The following NEGR1 variants were observed in gnomAD, a reference collection of about 807,000 sequenced individuals.
The protein encoded by NEGR1 is neuronal growth regulator 1.
In NEGR1, 10 loss-of-function variants were observed where a neutral mutation model predicts 40.9. The ratio of observed to expected loss-of-function variants is 0.24; its 90% confidence interval spans 0.15 to 0.42. The LOEUF is 0.42. Ranked by LOEUF, NEGR1 falls within the 10% of genes least tolerant of loss-of-function variation. The pLI is 1.00. For missense variants in NEGR1, 352 were observed against 438.9 expected, an observed-to-expected ratio of 0.80 and a Z score of 1.77; for synonymous variants, 185 against 166.8, an observed-to-expected ratio of 1.11 and a Z score of -0.84.
chr1:71,955,258 C>T (rs1445245310), intron 1 of NEGR1, among the ~76,000 whole-genome samples: 1 of 152,086 alleles, frequency 6.6e-6, no homozygotes, highest in African/African-American at 2.4e-5. Context: ...TGTGAGCCTA[C>T]AATCTAATGT....
chr1:71,956,118 C>G (rs1206565349), intron 1 of NEGR1, among the ~76,000 whole-genome samples: 1 of 152,110 alleles, frequency 6.6e-6, no homozygotes, highest in East Asian at 1.9e-4. Flanking sequence ...GCTATTCCAA[C>G]AAACTGATAT....
chr1:71,555,516 C>A (rs1557565018), intron 6 of NEGR1, among the ~76,000 whole-genome samples: 1 of 151,396 alleles, frequency 6.6e-6, no homozygotes, highest in Non-Finnish European at 1.5e-5. Flanking sequence ...TGTCCTCTGC[C>A]CATAAGGAGG....
At chr1:72,252,060 A>G (rs1776012) in intron 1 of NEGR1, among the ~76,000 whole-genome samples, 77,953 of 151,946 alleles carry the variant, frequency 0.51, 21,303 homozygotes, top group African/African-American at 0.68. Context: ...AATCTTCCTA[A>G]AGCATCCATT....
intron 1 of NEGR1, among the ~76,000 whole-genome samples, chr1:72,039,312 G>T (rs1646931575): frequency 6.6e-6 from 1 of 151,904 alleles, no homozygotes; most frequent in Admixed American, 6.6e-5. Context: ...TACATGATGT[G>T]GGCATATAAG....
chr1:71,800,478 T>C (rs1032540288), intron 2 of NEGR1, among the ~76,000 whole-genome samples: 3 of 152,178 alleles, frequency 2.0e-5, no homozygotes, highest in Non-Finnish European at 4.4e-5. Flanking sequence ...TGTATGGTTT[T>C]AGTTCTTAAG....
intron 6 of NEGR1, among the ~76,000 whole-genome samples, chr1:71,436,800 C>T (rs916918415): frequency 6.6e-6 from 1 of 152,148 alleles, no homozygotes. Flanking sequence ...TATACTTTAT[C>T]ATTCTCATGA....
At chr1:71,571,474 C>A (rs1648805308) in intron 6 of NEGR1, among the ~76,000 whole-genome samples, 1 of 152,166 alleles carries the variant, frequency 6.6e-6, no homozygotes, top group South Asian at 2.1e-4. Context: ...GCAAAAGCAA[C>A]AACAACAACA....
chr1:72,227,484 T>C (rs1227830675), intron 1 of NEGR1, among the ~76,000 whole-genome samples: 1 of 151,906 alleles, frequency 6.6e-6, no homozygotes, highest in African/African-American at 2.4e-5. Flanking sequence ...AGGGAAGAAC[T>C]GAGAAAATCA....
intron 4 of NEGR1, among the ~76,000 whole-genome samples, chr1:71,660,808 G>T (rs757725530): frequency 1.3e-5 from 2 of 151,988 alleles, no homozygotes; most frequent in African/African-American, 4.8e-5. Context: ...CCATCAACCC[G>T]TCATCCACAT....
intron 2 of NEGR1, among the ~76,000 whole-genome samples, chr1:71,786,626 T>C (rs1656918262): frequency 6.6e-6 from 1 of 152,156 alleles, no homozygotes. Flanking sequence ...TAGGGCAAAG[T>C]TCTACATGTC....
At chr1:71,519,483 A>G (rs1218634627) in intron 6 of NEGR1, among the ~76,000 whole-genome samples, 9 of 63,072 alleles carry the variant, frequency 1.4e-4, no homozygotes, top group Non-Finnish European at 2.7e-4. Context: ...GCAAGAACAA[A>G]AAACCAAACA....
At chr1:71,614,501 G>A (rs1322591667) in intron 4 of NEGR1, among the ~76,000 whole-genome samples, 3 of 152,074 alleles carry the variant, frequency 2.0e-5, no homozygotes, top group African/African-American at 7.2e-5. Flanking sequence ...TTATGACACT[G>A]CTCATGACAG....
At chr1:71,918,236 A>T (rs1339790453) in intron 2 of NEGR1, among the ~76,000 whole-genome samples, 2 of 135,752 alleles carry the variant, frequency 1.5e-5, no homozygotes, top group African/African-American at 5.3e-5. Flanking sequence ...AAAAAAAAAA[A>T]AAAAAAAAAA....
chr1:71,803,581 T>C (rs1657640442), intron 2 of NEGR1, among the ~76,000 whole-genome samples: 1 of 152,186 alleles, frequency 6.6e-6, no homozygotes, highest in African/African-American at 2.4e-5. Context: ...CTATAACTTG[T>C]GGTTTCATTT....
At chr1:72,103,069 T>C (rs75422124) in intron 1 of NEGR1, among the ~76,000 whole-genome samples, 4,227 of 152,230 alleles carry the variant, frequency 0.028, 177 homozygotes, top group African/African-American at 0.096. Flanking sequence ...TTTTTATTTT[T>C]ATTTATCTTT....
intron 6 of NEGR1, among the ~76,000 whole-genome samples, chr1:71,449,662 A>G (rs1646610345): frequency 6.6e-6 from 1 of 152,214 alleles, no homozygotes; most frequent in Admixed American, 6.5e-5. Flanking sequence ...ACAGAATTCC[A>G]TGTACATTAT....
chr1:71,970,424 C>T (rs1646246073), intron 1 of NEGR1, among the ~76,000 whole-genome samples: 1 of 152,134 alleles, frequency 6.6e-6, no homozygotes, highest in African/African-American at 2.4e-5. Context: ...GGACTAGGGG[C>T]TCACACCTGT....
chr1:71,853,525 A>T (rs1305313124), intron 2 of NEGR1, among the ~76,000 whole-genome samples: 1 of 152,114 alleles, frequency 6.6e-6, no homozygotes, highest in Non-Finnish European at 1.5e-5. Flanking sequence ...CTTTGTCTTG[A>T]AAAATGCCAT....
intron 6 of NEGR1, among the ~76,000 whole-genome samples, chr1:71,419,978 G>T (rs1646384126): frequency 6.6e-6 from 1 of 151,342 alleles, no homozygotes; most frequent in South Asian, 2.1e-4. Context: ...AGTCAAGATG[G>T]TAAAAAACAG....
Sources: gnomAD v4.1 joint callset for allele counts (sites outside exome capture counted in the v4.1 genomes callset) on GRCh38, gnomAD v4.1.1 for gene constraint, MANE v1.5 for transcripts, NCBI Gene and HGNC (gene_info 2026-07-23, HGNC 2026-07-21) for gene names.